GAREM1: variants seen among roughly 807,000 people sequenced by gnomAD.
GAREM1 encodes GRB2-associated and regulator of MAPK protein 1.
GAREM1 carries 26 observed loss-of-function variants against 71.3 expected under a neutral mutation model. The ratio of observed to expected loss-of-function variants is 0.36; its 90% CI spans 0.27 to 0.51. The LOEUF is 0.51. GAREM1 is among the 20% of genes least tolerant of loss of function. GAREM1 has a pLI of 0.95. For missense variants in GAREM1, 1,026 were observed against 1,103.1 expected (o/e 0.93, Z 0.99); for synonymous variants, 440 against 433.2 (o/e 1.02, Z -0.20).
chr18:32,394,841 A>G (rs536587895), intron 1 of GAREM1, among the ~76,000 whole-genome samples: 34 of 152,314 alleles, frequency 2.2e-4, no homozygotes, highest in African/African-American at 7.9e-4. Context: ...GCTACCCACC[A>G]TGGTGTGGTC....
chr18:32,390,512 C>G (rs1451517268), intron 2 of GAREM1, among the ~76,000 whole-genome samples: 1 of 152,158 alleles, frequency 6.6e-6, no homozygotes, highest in Non-Finnish European at 1.5e-5. Context: ...ATTTTCTCTC[C>G]TTTATGTTGA....
chr18:32,390,240 T>A (rs1358078767), intron 2 of GAREM1, among the ~76,000 whole-genome samples: 8 of 152,216 alleles, frequency 5.3e-5, no homozygotes, highest in African/African-American at 9.6e-5. Flanking sequence ...AAAATTTTTT[T>A]TAAAAAAACT....
At chr18:32,434,029 T>G (rs1215619764) in intron 1 of GAREM1, among the ~76,000 whole-genome samples, 1 of 152,140 alleles carries the variant, frequency 6.6e-6, no homozygotes, top group Non-Finnish European at 1.5e-5. Flanking sequence ...TATTTAAGAC[T>G]GAACTATACT....
chr18:32,358,667 T>C (rs530910093), intron 2 of GAREM1, among the ~76,000 whole-genome samples: 1 of 152,196 alleles, frequency 6.6e-6, no homozygotes, highest in Non-Finnish European at 1.5e-5. Flanking sequence ...TACGGTATCA[T>C]GCAATACATG....
chr18:32,291,593 T>A (rs973129682), intron 3 of GAREM1, among the ~76,000 whole-genome samples: 1 of 152,130 alleles, frequency 6.6e-6, no homozygotes, highest in African/African-American at 2.4e-5. Flanking sequence ...GCAGTACCCA[T>A]CAAACCATCA....
chr18:32,398,647 A>G (rs1389207259), intron 1 of GAREM1, among the ~76,000 whole-genome samples: 2 of 152,182 alleles, frequency 1.3e-5, no homozygotes, highest in East Asian at 3.9e-4. Flanking sequence ...TAGACCAATA[A>G]CAGGCTCTGA....
intron 2 of GAREM1, among the ~76,000 whole-genome samples, chr18:32,325,877 T>C (rs2047470514): frequency 6.6e-6 from 1 of 152,164 alleles, no homozygotes; most frequent in South Asian, 2.1e-4. Flanking sequence ...ACTAAACATA[T>C]ATGAAGGGCT....
chr18:32,334,818 T>C, intron 2 of GAREM1, among the ~76,000 whole-genome samples: 1 of 152,190 alleles, frequency 6.6e-6, no homozygotes. Flanking sequence ...ATGATTCCAT[T>C]TCCCTCTTCT....
At chr18:32,363,993 TAC>T (rs1300967296) in intron 2 of GAREM1, among the ~76,000 whole-genome samples, 894 of 50,516 alleles carry the variant, frequency 0.018, 47 homozygotes, top group African/African-American at 0.079. Context: ...AATACATATA[TAC>T]ATATATATAT....
chr18:32,417,596 T>C (rs1006062977), intron 1 of GAREM1, among the ~76,000 whole-genome samples: 1 of 152,174 alleles, frequency 6.6e-6, no homozygotes, highest in Non-Finnish European at 1.5e-5. Context: ...GAGGTCATTA[T>C]GTTAAGTGAA....
intron 2 of GAREM1, among the ~76,000 whole-genome samples, chr18:32,345,845 T>C (rs1361249957): frequency 6.6e-6 from 1 of 152,248 alleles, no homozygotes; most frequent in Non-Finnish European, 1.5e-5. Context: ...GTTAATCATC[T>C]TGACGGTCTA....
At chr18:32,403,391 G>A (rs956130199) in intron 1 of GAREM1, among the ~76,000 whole-genome samples, 5 of 151,702 alleles carry the variant, frequency 3.3e-5, no homozygotes, top group Non-Finnish European at 5.9e-5. Context: ...ACCCCCTCCC[G>A]CTCCCAACCT....
At chr18:32,397,949 A>C (rs2048274339) in intron 1 of GAREM1, among the ~76,000 whole-genome samples, 2 of 152,224 alleles carry the variant, frequency 1.3e-5, no homozygotes, top group Non-Finnish European at 2.9e-5. Context: ...AAGAACAGAA[A>C]TTATAACGAA....
intron 2 of GAREM1, among the ~76,000 whole-genome samples, chr18:32,378,290 A>G (rs1227325277): frequency 6.6e-6 from 1 of 152,074 alleles, no homozygotes; most frequent in Non-Finnish European, 1.5e-5. Flanking sequence ...ACTTGAAGTC[A>G]GGAGTTCGAG....
chr18:32,446,058 T>A (rs2048782785), intron 1 of GAREM1, among the ~76,000 whole-genome samples: 1 of 152,226 alleles, frequency 6.6e-6, no homozygotes, highest in South Asian at 2.1e-4. Context: ...AGATAACAGA[T>A]GGGGACATTG....
chr18:32,425,072 C>T (rs1451608430), intron 1 of GAREM1, among the ~76,000 whole-genome samples: 1 of 152,166 alleles, frequency 6.6e-6, no homozygotes, highest in African/African-American at 2.4e-5. Context: ...CTTGGCTCCT[C>T]CCCTCCACTA....
In GAREM1 at chr18:32,378,857, T is replaced by C. The variant is rs78205556; in HGVS notation, c.262+14038A>G. On this transcript the variant is annotated intron_variant, in intron 2 of 5. Transcript: ENST00000269209. ...TTTCCACTTTACTTATGCAATTTGC[T>C]AGTCACGAAAGGCCATTCCCATCTG... 3.2e-3 allele frequency among the ~76,000 whole-genome samples: 488 copies of C among 152,332 alleles called. 1 individual carries two copies. The highest frequency in any genetic ancestry group is 4.7e-3 in the Non-Finnish European group (317 of 68,028).
At chr18:32,392,203 G>GCT (rs528162573) in intron 2 of GAREM1, among the ~76,000 whole-genome samples, 1 of 147,450 alleles carries the variant, frequency 6.8e-6, no homozygotes, top group Non-Finnish European at 1.5e-5. Flanking sequence ...GGTAACATAA[G>GCT]TTTTTTTTTT....
Position 32,267,719 on chromosome 18 carries a change from C to G in GAREM1, c.*152G>C. The G allele has an allele frequency of 1.6e-6, 1 of 619,616 alleles. No individual in the cohort carries two copies. Among genetic ancestry groups the G allele is most frequent in the South Asian group, 2.2e-5 (1 of 46,508 alleles). The allele number at this position is 619,616 out of a possible 1,614,324, so 38.4% of individuals were successfully genotyped here. A position where few individuals can be genotyped will look rare whatever the true frequency, so the allele number is the denominator to read the frequency against. ...TTGATGTACAAAATAGCCTGTTCACCATTCAAAAACGTAATCTGCATAGTA... is the reference window on the plus strand; with the variant it reads ...TTGATGTACAAAATAGCCTGTTCACGATTCAAAAACGTAATCTGCATAGTA... On this transcript the variant is annotated 3_prime_UTR_variant, in exon 6 of 6. Coordinates refer to ENST00000269209, the MANE Select transcript of GAREM1 (RefSeq NM_001242409.2).
Sources: allele counts gnomAD v4.1 joint callset (sites outside exome capture counted in the v4.1 genomes callset), GRCh38; gene constraint gnomAD v4.1.1; transcripts MANE v1.5; gene names NCBI Gene and HGNC (gene_info 2026-07-23, HGNC 2026-07-21).